The following LDLRAD3 variants were observed in gnomAD, a reference collection of about 807,000 sequenced individuals.
LDLRAD3 encodes low-density lipoprotein receptor class A domain-containing protein 3.
LDLRAD3 carries 20 observed loss-of-function variants against 29.4 expected under a neutral mutation model. The observed-to-expected ratio is 0.68, with a 90% CI of 0.48 to 0.99. The LOEUF (loss-of-function observed/expected upper bound fraction) is 0.99, where lower values mean the gene tolerates loss of function less well. Among genes scored for constraint, LDLRAD3 ranks in the 50% least tolerant of loss-of-function variants. The pLI, the probability that LDLRAD3 is intolerant of heterozygous loss-of-function variation, is 0.00. For missense variants in LDLRAD3, 420 were observed against 454.3 expected (o/e 0.92, Z 0.69); for synonymous variants, 157 against 192.7 (o/e 0.81, Z 1.53).
chr11:36,193,581 T>G (rs887388102), intron 4 of LDLRAD3, among the ~76,000 whole-genome samples: 2 of 152,228 alleles, frequency 1.3e-5, no homozygotes, highest in Admixed American at 1.3e-4. Flanking sequence ...TCTACCTTTG[T>G]GCCTACTGCC....
chr11:36,174,239 T>G (rs1854639142), intron 4 of LDLRAD3, among the ~76,000 whole-genome samples: 1 of 152,192 alleles, frequency 6.6e-6, no homozygotes, highest in African/African-American at 2.4e-5. Flanking sequence ...ACTTAAATGT[T>G]AGACCTAAAA....
rs116279330 is a variant in LDLRAD3, at chr11:36,081,790, G to T, written c.319+12G>T. The T allele has an allele frequency of 1.2e-6, 2 of 1,614,068 alleles. No individual in the cohort carries two copies. Among genetic ancestry groups the T allele is most frequent in the South Asian group, 1.1e-5 (1 of 91,070 alleles). On this transcript the variant is annotated intron_variant, in intron 3 of 5. Transcript: ENST00000315571. ...TGAAGAGAACTGCAGTAAGTGCTGC[G>T]CACTTGAACACTGTGATCCCTTGTT...
intron 3 of LDLRAD3, among the ~76,000 whole-genome samples, chr11:36,082,986 G>T (rs10836488): frequency 2.0e-5 from 3 of 152,040 alleles, no homozygotes; most frequent in Non-Finnish European, 2.9e-5. Context: ...AAACTTACAC[G>T]TTTATTTTCT....
intron 4 of LDLRAD3, among the ~76,000 whole-genome samples, chr11:36,210,609 C>G (rs1855271666): frequency 1.3e-5 from 2 of 152,080 alleles, no homozygotes; most frequent in Admixed American, 1.3e-4. Flanking sequence ...TGGAATAGAG[C>G]CTCCAGCACC....
intron 4 of LDLRAD3, among the ~76,000 whole-genome samples, chr11:36,136,074 G>C (rs1028373488): frequency 6.6e-6 from 1 of 152,176 alleles, no homozygotes; most frequent in Non-Finnish European, 1.5e-5. Context: ...TTCAGGATAA[G>C]ATATTCCTTC....
At chr11:35,988,240 T>G (rs1240596901) in intron 1 of LDLRAD3, among the ~76,000 whole-genome samples, 1 of 152,148 alleles carries the variant, frequency 6.6e-6, no homozygotes, top group African/African-American at 2.4e-5. Flanking sequence ...AATTATTTTT[T>G]GTAGAGATGG....
At chr11:36,203,639 A>T (rs1389960771) in intron 4 of LDLRAD3, among the ~76,000 whole-genome samples, 1 of 152,212 alleles carries the variant, frequency 6.6e-6, no homozygotes, top group African/African-American at 2.4e-5. Context: ...ATGAGATGAT[A>T]TTTGGATACT....
At position 36,145,488 on chromosome 11, in the gene LDLRAD3, A is replaced by G. The variant is rs1272502685; in HGVS notation, c.454+47027A>G. Among the ~76,000 whole-genome samples the G allele has an allele frequency of 6.8e-4, 99 of 145,918 alleles. 1 individual carries two copies. Among genetic ancestry groups the G allele is most frequent in the African/African-American group, 2.4e-3 (92 of 38,146 alleles). On this transcript the variant is annotated intron_variant, in intron 4 of 5. Transcript: ENST00000315571. ...TGAGGAGCCTCTCTGCCCGGCCACCACCCCGTCTGGGAGGTGTACTCAACA... is the reference window on the plus strand; with the variant it reads ...TGAGGAGCCTCTCTGCCCGGCCACCGCCCCGTCTGGGAGGTGTACTCAACA...
At chr11:36,117,781 C>G (rs773770942) in intron 4 of LDLRAD3, among the ~76,000 whole-genome samples, 1 of 152,182 alleles carries the variant, frequency 6.6e-6, no homozygotes, top group South Asian at 2.1e-4. Context: ...GTGGCTTCTC[C>G]GCTATGCCAA....
chr11:36,030,100 G>A (rs1852217212), intron 1 of LDLRAD3, among the ~76,000 whole-genome samples: 1 of 152,216 alleles, frequency 6.6e-6, no homozygotes, highest in Non-Finnish European at 1.5e-5. Flanking sequence ...TGAGCTCACA[G>A]GGCAGGGTTG....
At chr11:36,182,293 A>G (rs1854776358) in intron 4 of LDLRAD3, among the ~76,000 whole-genome samples, 2 of 152,220 alleles carry the variant, frequency 1.3e-5, no homozygotes, top group South Asian at 4.1e-4. Flanking sequence ...CAGATAGAAT[A>G]TATGAGGCTT....
At chr11:35,986,590 G>A (rs1382065747) in intron 1 of LDLRAD3, among the ~76,000 whole-genome samples, 1 of 152,222 alleles carries the variant, frequency 6.6e-6, no homozygotes, top group Non-Finnish European at 1.5e-5. Flanking sequence ...AGTAGTGGGC[G>A]AGGGCTCTAC....
intron 4 of LDLRAD3, among the ~76,000 whole-genome samples, chr11:36,185,906 C>G (rs7125444): frequency 0.3 from 45,356 of 152,052 alleles, 6,967 homozygotes; most frequent in African/African-American, 0.38. Flanking sequence ...GTGACCCTAG[C>G]AATACCTAGA....
At chr11:36,123,166 G>A (rs937408580) in intron 4 of LDLRAD3, among the ~76,000 whole-genome samples, 9 of 152,142 alleles carry the variant, frequency 5.9e-5, no homozygotes, top group East Asian at 1.9e-4. Context: ...CAGCCTGGGC[G>A]ACAGAGCGAG....
Position 35,986,722 on chromosome 11 carries a change from T to C in LDLRAD3, c.46+42578T>C, listed in dbSNP as rs116684286. Among the ~76,000 whole-genome samples the C allele has an allele frequency of 5.6e-3, 851 of 152,332 alleles. 7 individuals carry two copies. Among genetic ancestry groups the C allele is most frequent in the African/African-American group, 0.02 (815 of 41,572 alleles). ...CTCTGTTCACCCTAAAAGTGATACA[T>C]GTCCCCTTTCTGCACATTCCATTGA... is the stretch of plus-strand genomic sequence containing the variant. On this transcript the variant is annotated intron_variant, in intron 1 of 5. Coordinates refer to ENST00000315571, the MANE Select transcript of LDLRAD3 (RefSeq NM_174902.4).
chr11:35,955,956 G>A (rs1481928460), intron 1 of LDLRAD3, among the ~76,000 whole-genome samples: 3 of 152,204 alleles, frequency 2.0e-5, no homozygotes, highest in African/African-American at 4.8e-5. Context: ...CTACAGAAGT[G>A]CTCACTCATG....
chr11:35,983,922 G>A (rs1198856919), intron 1 of LDLRAD3, among the ~76,000 whole-genome samples: 1 of 152,172 alleles, frequency 6.6e-6, no homozygotes, highest in Non-Finnish European at 1.5e-5. Flanking sequence ...ACTGTGCCTG[G>A]CCAAGTTAAG....
chr11:36,121,570 A>G (rs1456739627), intron 4 of LDLRAD3, among the ~76,000 whole-genome samples: 2 of 152,216 alleles, frequency 1.3e-5, no homozygotes, highest in South Asian at 2.1e-4. Flanking sequence ...ATGAGTATCA[A>G]ATTATTATGG....
chr11:36,179,939 A>C (rs1352738494), intron 4 of LDLRAD3, among the ~76,000 whole-genome samples: 1 of 152,150 alleles, frequency 6.6e-6, no homozygotes, highest in African/African-American at 2.4e-5. Flanking sequence ...AGGCCATAGT[A>C]AGCCGTGATC....
Sources: allele counts gnomAD v4.1 joint callset (sites outside exome capture counted in the v4.1 genomes callset), GRCh38; gene constraint gnomAD v4.1.1; transcripts MANE v1.5; gene names NCBI Gene and HGNC (gene_info 2026-07-23, HGNC 2026-07-21).